SLC25A21: variants seen among roughly 807,000 people sequenced by gnomAD.
The protein encoded by SLC25A21 is solute carrier family 25 member 21.
SLC25A21 carries 47 observed loss-of-function variants against 43.8 expected under a neutral mutation model. The ratio of observed to expected loss-of-function variants is 1.07; its 90% CI spans 0.85 to 1.37. The LOEUF (loss-of-function observed/expected upper bound fraction) is 1.37, where lower values mean the gene tolerates loss of function less well. Among genes scored for constraint, SLC25A21 ranks in the 40% most tolerant of loss-of-function variants. SLC25A21 has a pLI of 0.00. For missense variants in SLC25A21, 352 were observed against 350.2 expected, an observed-to-expected ratio of 1.00 and a Z score of -0.04; for synonymous variants, 131 against 121.3, an observed-to-expected ratio of 1.08 and a Z score of -0.52.
At chr14:37,168,308 T>G (rs1964065700) in intron 1 of SLC25A21, among the ~76,000 whole-genome samples, 1 of 152,134 alleles carries the variant, frequency 6.6e-6, no homozygotes, top group South Asian at 2.1e-4. Flanking sequence ...ATCTTTAAAT[T>G]TATATGTAAA....
intron 1 of SLC25A21, among the ~76,000 whole-genome samples, chr14:37,001,573 C>T (rs8019355): frequency 0.44 from 66,858 of 151,902 alleles, 17,933 homozygotes; most frequent in African/African-American, 0.77. Flanking sequence ...TTTTCTTTCA[C>T]GCAACCTTTC....
At position 36,684,990 on chromosome 14, in the gene SLC25A21, A is replaced by G. The variant is rs184683668; in HGVS notation, c.604-65T>C. ...GAAGCCCCTAAATCAGTTAAACACT[A>G]TAAAGCAATATGTATTTAAGCAGAG... On this transcript the variant is annotated intron_variant, in intron 7 of 9. Transcript: ENST00000331299. The G allele has an allele frequency of 2.2e-4, 279 of 1,296,612 alleles. 1 individual carries two copies. In the African/African-American group the frequency reaches 3.3e-3, roughly 15 times the overall value. 80.3% of individuals were successfully genotyped at this position (1,296,612 alleles called of 1,614,324 possible).
chr14:36,992,641 T>C (rs1304095271), intron 1 of SLC25A21, among the ~76,000 whole-genome samples: 1 of 152,202 alleles, frequency 6.6e-6, no homozygotes, highest in Non-Finnish European at 1.5e-5. Flanking sequence ...ACTGCAATTC[T>C]AGAATGTTAG....
intron 1 of SLC25A21, among the ~76,000 whole-genome samples, chr14:37,025,843 G>A (rs1475385041): frequency 2.0e-5 from 3 of 151,972 alleles, no homozygotes. Context: ...CAGGAGTTTT[G>A]TTTTCTTTTT....
At chr14:36,841,550 A>G (rs1033967844) in intron 2 of SLC25A21, among the ~76,000 whole-genome samples, 1 of 151,976 alleles carries the variant, frequency 6.6e-6, no homozygotes, top group African/African-American at 2.4e-5. Flanking sequence ...CAGATTTGAC[A>G]TTTCCTCTCC....
At chr14:37,011,476 A>T (rs1361057312) in intron 1 of SLC25A21, among the ~76,000 whole-genome samples, 1 of 152,230 alleles carries the variant, frequency 6.6e-6, no homozygotes, top group Non-Finnish European at 1.5e-5. Context: ...TGATAGGAAT[A>T]AATTGATAAA....
At chr14:37,050,805 T>C (rs918570309) in intron 1 of SLC25A21, among the ~76,000 whole-genome samples, 2 of 152,310 alleles carry the variant, frequency 1.3e-5, no homozygotes, top group Admixed American at 6.5e-5. Context: ...CCTCTACTAG[T>C]GAAAAGTTTG....
At chr14:37,103,111 A>G (rs1962847051) in intron 1 of SLC25A21, among the ~76,000 whole-genome samples, 1 of 152,248 alleles carries the variant, frequency 6.6e-6, no homozygotes, top group Non-Finnish European at 1.5e-5. Context: ...GTAAAACAGA[A>G]TATCCCATTA....
At chr14:36,863,063 G>A (rs972397884) in intron 2 of SLC25A21, among the ~76,000 whole-genome samples, 4 of 152,140 alleles carry the variant, frequency 2.6e-5, no homozygotes, top group African/African-American at 9.7e-5. Flanking sequence ...CAGTCATCAT[G>A]CTGATGCTCA....
At chr14:37,107,891 A>G (rs1962944457) in intron 1 of SLC25A21, among the ~76,000 whole-genome samples, 1 of 152,166 alleles carries the variant, frequency 6.6e-6, no homozygotes, top group Non-Finnish European at 1.5e-5. Flanking sequence ...AAAAATGACA[A>G]TAGGCCTCAG....
chr14:36,766,549 C>T (rs536658319), intron 3 of SLC25A21, among the ~76,000 whole-genome samples: 20 of 152,294 alleles, frequency 1.3e-4, no homozygotes, highest in African/African-American at 4.6e-4. Flanking sequence ...TGATCTTAAT[C>T]CTTTTTTCCA....
intron 3 of SLC25A21, among the ~76,000 whole-genome samples, chr14:36,735,476 A>AGAGCTCAACG (rs1884993416): frequency 1.9e-5 from 1 of 53,724 alleles, no homozygotes; most frequent in African/African-American, 1.1e-4. Flanking sequence ...AGTCCATAAC[A>AGAGCTCAACG]TGTCCCTAAT....
intron 1 of SLC25A21, among the ~76,000 whole-genome samples, chr14:36,925,162 G>A (rs994591350): frequency 2.0e-5 from 3 of 152,116 alleles, no homozygotes; most frequent in African/African-American, 7.2e-5. Context: ...CAAGGATAGG[G>A]GGAATAGGTA....
At chr14:36,898,329 G>A (rs59156649) in intron 1 of SLC25A21, among the ~76,000 whole-genome samples, 9,185 of 152,224 alleles carry the variant, frequency 0.06, 446 homozygotes, top group East Asian at 0.25. Context: ...AGGACCCTCC[G>A]ATCCAGGCAC....
chr14:37,053,769 A>G (rs1383295680), intron 1 of SLC25A21, among the ~76,000 whole-genome samples: 1 of 152,224 alleles, frequency 6.6e-6, no homozygotes, highest in Non-Finnish European at 1.5e-5. Context: ...TTAGAAAAAA[A>G]ATGCTATTAG....
At chr14:36,832,181 T>G (rs959834878) in intron 2 of SLC25A21, among the ~76,000 whole-genome samples, 14 of 152,180 alleles carry the variant, frequency 9.2e-5, no homozygotes, top group African/African-American at 3.1e-4. Context: ...GACAGTGACT[T>G]GAAAATCACC....
intron 1 of SLC25A21, among the ~76,000 whole-genome samples, chr14:37,042,205 T>C (rs1214082316): frequency 6.6e-6 from 1 of 152,222 alleles, no homozygotes; most frequent in Non-Finnish European, 1.5e-5. Context: ...AAATTTTTGC[T>C]TCTGCTGCCA....
At chr14:37,047,184 A>G (rs778779113) in intron 1 of SLC25A21, among the ~76,000 whole-genome samples, 8 of 152,206 alleles carry the variant, frequency 5.3e-5, no homozygotes, top group Non-Finnish European at 1.0e-4. Context: ...GTGGGGTTGT[A>G]TTGATTCAAA....
At chr14:36,877,886 G>A (rs1320280226) in intron 1 of SLC25A21, among the ~76,000 whole-genome samples, 2 of 152,112 alleles carry the variant, frequency 1.3e-5, no homozygotes, top group South Asian at 2.1e-4. Flanking sequence ...GCCACGAGGA[G>A]CCAGTGAAGG....
Sources: gnomAD v4.1 joint callset for allele counts (sites outside exome capture counted in the v4.1 genomes callset) on GRCh38, gnomAD v4.1.1 for gene constraint, MANE v1.5 for transcripts, NCBI Gene and HGNC (gene_info 2026-07-23, HGNC 2026-07-21) for gene names.